STOX2: variants seen among roughly 807,000 people sequenced by gnomAD.
The protein encoded by STOX2 is storkhead-box protein 2.
A neutral mutation model predicts 60.9 loss-of-function variants in STOX2; 28 were observed. The observed-to-expected ratio is 0.46, with a 90% CI of 0.34 to 0.63. STOX2 has a LOEUF of 0.63. Ranked by LOEUF, STOX2 falls within the 30% of genes least tolerant of loss-of-function variation. STOX2 has a pLI of 0.01. For missense variants in STOX2, 1,024 were observed against 1,187.7 expected, an observed-to-expected ratio of 0.86 and a Z score of 2.03; for synonymous variants, 472 against 463.9, an observed-to-expected ratio of 1.02 and a Z score of -0.22.
intron 1 of STOX2, chr4:183,988,473 G>A (rs1356257503): frequency 6.6e-6 from 1 of 151,982 alleles, no homozygotes; most frequent in East Asian, 1.9e-4. Flanking sequence ...CATTCACAGA[G>A]CCTTTTTAAG....
intron 1 of STOX2, among the ~76,000 whole-genome samples, chr4:183,834,225 A>G (rs908579081): frequency 1.3e-5 from 2 of 152,112 alleles, no homozygotes; most frequent in Non-Finnish European, 2.9e-5. Context: ...CATGGTCCCA[A>G]AATATTGTAG....
At position 184,020,797 on chromosome 4, in the gene STOX2, C is replaced by T. The variant is rs1193341054; in HGVS notation, c.*3513C>T. The T allele has an allele frequency of 6.6e-6, 1 of 152,128 alleles. No homozygotes were observed. Among genetic ancestry groups the T allele is most frequent in the Non-Finnish European group, 1.5e-5 (1 of 68,032 alleles). 9.4% of individuals were successfully genotyped at this position (152,128 alleles called of 1,614,324 possible). A position where few individuals can be genotyped will look rare whatever the true frequency, so the allele number is the denominator to read the frequency against. On this transcript the variant is annotated 3_prime_UTR_variant, in exon 4 of 4. Coordinates refer to ENST00000308497, the MANE Select transcript of STOX2 (RefSeq NM_020225.3). ...TGTTGTGAAGGTCAGGTTCAGGAAG[C>T]ATCAATTCACAGTTAATCCGGAGTA... is the stretch of plus-strand genomic sequence containing the variant.
intron 1 of STOX2, among the ~76,000 whole-genome samples, chr4:183,977,546 CGTGT>C (rs56043761): frequency 2.7e-5 from 4 of 147,902 alleles, no homozygotes; most frequent in Middle Eastern, 3.5e-3. Flanking sequence ...CATTCCATTT[CGTGT>C]GTGTGTGTGT....
intron 1 of STOX2, among the ~76,000 whole-genome samples, chr4:183,863,088 C>G (rs1302332364): frequency 6.6e-6 from 1 of 152,182 alleles, no homozygotes; most frequent in East Asian, 1.9e-4. Context: ...AGCAGGTAGC[C>G]TTGTGTCTCC....
chr4:184,013,689 G>A (rs1029580795), intron 3 of STOX2, among the ~76,000 whole-genome samples: 1 of 152,234 alleles, frequency 6.6e-6, no homozygotes, highest in Non-Finnish European at 1.5e-5. Context: ...GCAAAGGAAA[G>A]TATTTGACTA....
intron 1 of STOX2, among the ~76,000 whole-genome samples, chr4:183,936,451 T>G (rs1396987122): frequency 6.6e-6 from 1 of 152,098 alleles, no homozygotes; most frequent in East Asian, 1.9e-4. Flanking sequence ...CATGAGTTTA[T>G]TGGCGTCAGT....
chr4:183,970,981 G>T (rs982508933), intron 1 of STOX2, among the ~76,000 whole-genome samples: 1 of 152,162 alleles, frequency 6.6e-6, no homozygotes, highest in Non-Finnish European at 1.5e-5. Flanking sequence ...GCTCTTTTTA[G>T]TATAACCGTT....
intron 1 of STOX2, among the ~76,000 whole-genome samples, chr4:183,828,776 G>GT (rs1360304260): frequency 6.6e-6 from 1 of 152,184 alleles, no homozygotes; most frequent in Non-Finnish European, 1.5e-5. Context: ...TCATCACTTT[G>GT]TTTGGGGGAC....
rs1270744210 is a variant in STOX2, at chr4:184,018,558, A to G, written c.*1274A>G. On this transcript the variant is annotated 3_prime_UTR_variant, in exon 4 of 4. Coordinates refer to ENST00000308497, the MANE Select transcript of STOX2 (RefSeq NM_020225.3). ...AAATTTATCAGAATAACAATTATGC[A>G]TACATGAACTATGCCAGAGTAATGT... 1.3e-5 allele frequency: 2 copies of G among 152,278 alleles called. No homozygotes were observed. Among genetic ancestry groups the G allele is most frequent in the African/African-American group, 2.4e-5 (1 of 41,480 alleles). 9.4% of individuals were successfully genotyped at this position (152,278 alleles called of 1,614,324 possible).
At chr4:184,006,098 A>G (rs1733814357) in intron 2 of STOX2, among the ~76,000 whole-genome samples, 1 of 152,202 alleles carries the variant, frequency 6.6e-6, no homozygotes, top group African/African-American at 2.4e-5. Flanking sequence ...GTTTCCTAAG[A>G]TCATCATTTG....
intron 1 of STOX2, among the ~76,000 whole-genome samples, chr4:183,948,895 G>C (rs1470522048): frequency 6.6e-6 from 1 of 152,140 alleles, no homozygotes; most frequent in Non-Finnish European, 1.5e-5. Context: ...GATTAAGTGA[G>C]AGAACATGTG....
chr4:183,804,303 A>T (rs1738834901), intron 1 of STOX2, among the ~76,000 whole-genome samples: 1 of 152,186 alleles, frequency 6.6e-6, no homozygotes, highest in Admixed American at 6.5e-5. Flanking sequence ...AGTGTTTTGG[A>T]TGACTACTCG....
At chr4:183,998,801 A>G (rs558674679) in intron 1 of STOX2, among the ~76,000 whole-genome samples, 1 of 152,288 alleles carries the variant, frequency 6.6e-6, no homozygotes, top group African/African-American at 2.4e-5. Flanking sequence ...CTTGACCTCT[A>G]GAACTGTTGG....
At chr4:183,818,721 G>A (rs1380126595) in intron 1 of STOX2, among the ~76,000 whole-genome samples, 1 of 151,576 alleles carries the variant, frequency 6.6e-6, no homozygotes, top group Non-Finnish European at 1.5e-5. Context: ...GGCTGGGCGG[G>A]GGCTGACTCC....
chr4:183,883,171 A>G (rs1158947894), intron 1 of STOX2, among the ~76,000 whole-genome samples: 2 of 152,016 alleles, frequency 1.3e-5, no homozygotes, highest in Non-Finnish European at 2.9e-5. Context: ...TAGACATCAT[A>G]TTAATTCATC....
chr4:183,870,039 T>C (rs1740652747), intron 1 of STOX2, among the ~76,000 whole-genome samples: 1 of 152,232 alleles, frequency 6.6e-6, no homozygotes, highest in Non-Finnish European at 1.5e-5. Context: ...TCAGAACTCA[T>C]ACTTCCGTGG....
In STOX2 at chr4:183,858,903, G is replaced by A. The variant is rs145785455; in HGVS notation, c.364+60848G>A. ...AAGCAATTTGCCCCTTCATCTCTAC[G>A]TCATTTCAGTGTACTGTACACACCG... On this transcript the variant is annotated intron_variant, in intron 1 of 2. Coordinates refer to the STOX2 transcript ENST00000513034. Among the ~76,000 whole-genome samples, 1,114 of 151,940 alleles carry A rather than the reference G, an allele frequency of 7.3e-3. 11 individuals are homozygous for A. The highest frequency in any genetic ancestry group is 0.026 in the African/African-American group (1,060 of 41,426).
intron 1 of STOX2, among the ~76,000 whole-genome samples, chr4:183,968,865 A>G (rs1326874679): frequency 2.0e-5 from 3 of 152,372 alleles, no homozygotes; most frequent in Non-Finnish European, 2.9e-5. Flanking sequence ...AAGACTTTCA[A>G]TGATTAAGTA....
intron 1 of STOX2, among the ~76,000 whole-genome samples, chr4:183,804,891 T>C (rs1738849351): frequency 6.6e-6 from 1 of 152,240 alleles, no homozygotes; most frequent in Non-Finnish European, 1.5e-5. Flanking sequence ...TTAATTATGA[T>C]CTTGAGCACG....
Sources: gnomAD v4.1 joint callset for allele counts (sites outside exome capture counted in the v4.1 genomes callset) on GRCh38, gnomAD v4.1.1 for gene constraint, MANE v1.5 for transcripts, NCBI Gene and HGNC (gene_info 2026-07-23, HGNC 2026-07-21) for gene names.